The following CDC73 variants were observed in gnomAD, a reference collection of about 807,000 sequenced individuals.
The protein encoded by CDC73 is cell division cycle 73, also known as parafibromin.
In CDC73, 21 loss-of-function variants were observed where a neutral mutation model predicts 83.7. That is an observed-to-expected ratio of 0.25 (90% CI 0.18 to 0.36). CDC73 has a LOEUF of 0.36. Ranked by LOEUF, CDC73 falls within the 10% of genes least tolerant of loss-of-function variation. The pLI, the probability that CDC73 is intolerant of heterozygous loss-of-function variation, is 1.00. For missense variants in CDC73, 342 were observed against 653.3 expected, an observed-to-expected ratio of 0.52 and a Z score of 5.19; for synonymous variants, 224 against 212.9, an observed-to-expected ratio of 1.05 and a Z score of -0.45.
chr1:193,124,479 G>C (rs529921412), intron 1 of CDC73, among the ~76,000 whole-genome samples: 1 of 152,302 alleles, frequency 6.6e-6, no homozygotes, highest in Admixed American at 6.5e-5. Flanking sequence ...CAAAGATATA[G>C]AAGGGGAAAG....
intron 3 of CDC73, among the ~76,000 whole-genome samples, chr1:193,130,668 A>G (rs1675679006): frequency 6.6e-6 from 1 of 152,136 alleles, no homozygotes; most frequent in Non-Finnish European, 1.5e-5. Context: ...GTGTGGTATC[A>G]TTGCTTCTTT....
intron 10 of CDC73, among the ~76,000 whole-genome samples, chr1:193,200,031 A>G (rs553459673): frequency 2.7e-5 from 4 of 150,700 alleles, no homozygotes; most frequent in South Asian, 4.2e-4. Context: ...GTTTGATACC[A>G]GCCTGGGCAA....
At chr1:193,200,141 T>G (rs1008225722) in intron 10 of CDC73, among the ~76,000 whole-genome samples, 1 of 151,906 alleles carries the variant, frequency 6.6e-6, no homozygotes, top group Non-Finnish European at 1.5e-5. Context: ...AGAAAACTGC[T>G]TAAGCCCCAG....
chr1:193,150,285 A>T lies in CDC73; in HGVS notation c.829-19A>T. Reference sequence around the variant, plus strand: ...ATTTAAAAATATTAACAAGTAACTCATAATTAATTTTTTTACAGGATCCCA... The same window carrying T: ...ATTTAAAAATATTAACAAGTAACTCTTAATTAATTTTTTTACAGGATCCCA... On this transcript the variant is annotated intron_variant, in intron 8 of 16. Coordinates refer to ENST00000367435, the MANE Select transcript of CDC73 (RefSeq NM_024529.5). The T allele has an allele frequency of 6.5e-7, 1 of 1,526,834 alleles. No individual in the cohort carries two copies. Among genetic ancestry groups the T allele is most frequent in the Non-Finnish European group, 9.1e-7 (1 of 1,100,484 alleles). 94.6% of individuals were successfully genotyped at this position (1,526,834 alleles called of 1,614,324 possible). A position where few individuals can be genotyped will look rare whatever the true frequency, so the allele number is the denominator to read the frequency against.
chr1:193,230,876 G>A (rs966283880), intron 13 of CDC73, among the ~76,000 whole-genome samples: 5 of 152,162 alleles, frequency 3.3e-5, no homozygotes, highest in Admixed American at 6.5e-5. Flanking sequence ...GATCCTTGCT[G>A]AAAAGCGTTT....
intron 13 of CDC73, among the ~76,000 whole-genome samples, chr1:193,223,966 A>G (rs536780415): frequency 2.8e-4 from 43 of 151,628 alleles, no homozygotes; most frequent in African/African-American, 9.7e-4. Context: ...GGTAATTAAG[A>G]TATATATTAC....
At position 193,130,904 on chromosome 1, in the gene CDC73, C is replaced by T. The variant is rs138073782; in HGVS notation, c.307+661C>T. Among the ~76,000 whole-genome samples, 979 of 152,302 alleles carry T rather than the reference C, an allele frequency of 6.4e-3. 5 individuals are homozygous for T. Among genetic ancestry groups the T allele is most frequent in the Non-Finnish European group, 0.011 (730 of 68,032 alleles). On this transcript the variant is annotated intron_variant, in intron 3 of 16. Coordinates refer to ENST00000367435, the MANE Select transcript of CDC73 (RefSeq NM_024529.5). ...CACCAGCCTCTTGGTTCTCTTTCTA[C>T]TCGTTGTTCACCTCTCAGTTTATTT...
At chr1:193,172,038 C>T (rs112563902) in intron 10 of CDC73, among the ~76,000 whole-genome samples, 2,178 of 152,164 alleles carry the variant, frequency 0.014, 23 homozygotes, top group Non-Finnish European at 0.02. Context: ...GATTTTCCTG[C>T]GTCAGCCTAC....
At chr1:193,160,244 AT>A (rs1179735761) in intron 10 of CDC73, among the ~76,000 whole-genome samples, 2 of 152,104 alleles carry the variant, frequency 1.3e-5, no homozygotes, top group Admixed American at 6.5e-5. Flanking sequence ...AACACTTGAG[AT>A]TTATTTTAGA....
intron 14 of CDC73, among the ~76,000 whole-genome samples, chr1:193,234,896 G>T (rs1278712502): frequency 1.4e-4 from 2 of 14,338 alleles, no homozygotes; most frequent in South Asian, 4.7e-3. Flanking sequence ...TAGTCTCAGA[G>T]ATTTTTTTTA....
intron 15 of CDC73, among the ~76,000 whole-genome samples, chr1:193,241,770 T>C (rs1459601262): frequency 6.6e-6 from 1 of 152,174 alleles, no homozygotes; most frequent in Non-Finnish European, 1.5e-5. Context: ...CCCCAAAATG[T>C]GTGCTCAGGC....
chr1:193,148,572 A>T (rs1676048928), intron 8 of CDC73, among the ~76,000 whole-genome samples: 2 of 151,910 alleles, frequency 1.3e-5, no homozygotes, highest in East Asian at 1.9e-4. Context: ...GGAATAAAAC[A>T]TACAAATGAA....
intron 10 of CDC73, among the ~76,000 whole-genome samples, chr1:193,154,599 C>T (rs1558290270): frequency 6.6e-6 from 1 of 152,114 alleles, no homozygotes; most frequent in South Asian, 2.1e-4. Flanking sequence ...AACAGAAAGA[C>T]TAAAAATGGT....
At chr1:193,190,860 A>G (rs1389011046) in intron 10 of CDC73, among the ~76,000 whole-genome samples, 1 of 152,142 alleles carries the variant, frequency 6.6e-6, no homozygotes, top group African/African-American at 2.4e-5. Flanking sequence ...TAGGGGTAGT[A>G]CTGATTTCTA....
At chr1:193,145,932 A>G (rs1215217906) in intron 7 of CDC73, among the ~76,000 whole-genome samples, 2 of 152,234 alleles carry the variant, frequency 1.3e-5, no homozygotes, top group African/African-American at 4.8e-5. Flanking sequence ...AGAAGTCAAT[A>G]TTAAATAAGC....
chr1:193,224,645 T>C (rs1480060167), intron 13 of CDC73, among the ~76,000 whole-genome samples: 1 of 152,044 alleles, frequency 6.6e-6, no homozygotes, highest in Non-Finnish European at 1.5e-5. Context: ...ATATATGAAA[T>C]CATTCGCATA....
At chr1:193,212,285 A>T in intron 12 of CDC73, 105 bp from the exon 13 acceptor site, 1 of 905,958 alleles carries the variant, frequency 1.1e-6, no homozygotes, top group Non-Finnish European at 1.7e-6. Context: ...AATATTTTTT[A>T]GATCAAAAGT....
At chr1:193,182,815 G>A (rs1371135018) in intron 10 of CDC73, among the ~76,000 whole-genome samples, 4 of 152,042 alleles carry the variant, frequency 2.6e-5, no homozygotes, top group Admixed American at 2.6e-4. Flanking sequence ...GTAGAGGTGG[G>A]CAAAGAGGTA....
intron 10 of CDC73, among the ~76,000 whole-genome samples, chr1:193,169,653 A>T (rs540428003): frequency 5.1e-4 from 77 of 152,382 alleles, no homozygotes; most frequent in African/African-American, 1.5e-3. Context: ...AGATGCAAGA[A>T]TATTAAATGA....
Sources: gnomAD v4.1 joint callset for allele counts (sites outside exome capture counted in the v4.1 genomes callset) on GRCh38, gnomAD v4.1.1 for gene constraint, MANE v1.5 for transcripts, NCBI Gene and HGNC (gene_info 2026-07-23, HGNC 2026-07-21) for gene names.